Variants in MSANTD3 observed in about 807,000 individuals in gnomAD.
The protein encoded by MSANTD3 is Myb/SANT DNA binding domain containing 3.
A neutral mutation model predicts 27.7 loss-of-function variants in MSANTD3; 11 were observed. The ratio of observed to expected loss-of-function variants is 0.40; its 90% confidence interval spans 0.25 to 0.66. The LOEUF (loss-of-function observed/expected upper bound fraction) is 0.66. Ranked by LOEUF, MSANTD3 falls within the 30% of genes least tolerant of loss-of-function variation. The pLI is 0.41. For synonymous variants in MSANTD3, 131 were observed against 127.2 expected (o/e 1.03, Z -0.20); for missense variants, 250 against 336.5 (o/e 0.74, Z 2.01).
chr9:100,447,357 A>C (rs374091855), intron 2 of MSANTD3, among the ~76,000 whole-genome samples: 12 of 144,814 alleles, frequency 8.3e-5, no homozygotes, highest in East Asian at 7.9e-4. Flanking sequence ...GAGTCTTCTT[A>C]AGAGGCCTGG....
intron 1 of MSANTD3, among the ~76,000 whole-genome samples, chr9:100,435,253 C>T (rs1385509840): frequency 6.6e-6 from 1 of 152,160 alleles, no homozygotes; most frequent in Non-Finnish European, 1.5e-5. Flanking sequence ...GGGTTTTCTG[C>T]ATCCAGTGTC....
chr9:100,447,700 C>T (rs1390995012), intron 2 of MSANTD3, among the ~76,000 whole-genome samples: 4 of 152,248 alleles, frequency 2.6e-5, no homozygotes, highest in Non-Finnish European at 4.4e-5. Flanking sequence ...AGTCATGTGA[C>T]CTTGGATATT....
chr9:100,442,118 C>T lies in MSANTD3; in HGVS notation c.180C>T (p.Pro60=). 3 of 1,614,200 alleles carry T rather than the reference C, an allele frequency of 1.9e-6. No individual in the cohort carries two copies. Among genetic ancestry groups the T allele is most frequent in the Non-Finnish European group, 2.5e-6 (3 of 1,180,032 alleles). Reference sequence around the variant, plus strand: ...TGGCCCACGAATACAACTCTCAGCCCAGCGTGTCCCTGCGGGATTTCAAAC... The same window carrying T: ...TGGCCCACGAATACAACTCTCAGCCTAGCGTGTCCCTGCGGGATTTCAAAC... ...QALAHEYNSQ[P]SVSLRDFKQL... Residue 60 remains proline, a synonymous_variant, in exon 2 of 3, where the codon CCC becomes CCT. Transcript: ENST00000395067.
intron 1 of MSANTD3, among the ~76,000 whole-genome samples, chr9:100,434,490 A>G (rs1163277748): frequency 6.6e-6 from 1 of 152,064 alleles, no homozygotes; most frequent in East Asian, 1.9e-4. Context: ...AGATCACGCC[A>G]CTCTACTCCA....
At chr9:100,444,359 G>GGGC (rs1472768831) in intron 2 of MSANTD3, 2 of 152,166 alleles carry the variant, frequency 1.3e-5, no homozygotes, top group African/African-American at 2.4e-5. Flanking sequence ...CAGTTTATGG[G>GGGC]GGCTCTGTCA....
At chr9:100,428,453 G>A (rs1197267574) in intron 1 of MSANTD3, among the ~76,000 whole-genome samples, 1 of 152,142 alleles carries the variant, frequency 6.6e-6, no homozygotes, top group Non-Finnish European at 1.5e-5. Flanking sequence ...AGAGACATGG[G>A]ATGGACAAGG....
chr9:100,445,188 A>G (rs1449625094), intron 2 of MSANTD3: 1 of 1,609,998 alleles, frequency 6.2e-7, no homozygotes, highest in Non-Finnish European at 8.5e-7. Context: ...AAGAAAGAAA[A>G]AGAAGCCTGG....
At chr9:100,428,619 A>T (rs900278143) in intron 1 of MSANTD3, among the ~76,000 whole-genome samples, 17 of 151,754 alleles carry the variant, frequency 1.1e-4, no homozygotes, top group African/African-American at 4.1e-4. Flanking sequence ...GTGGGGAGGG[A>T]TGTTATAGGT....
chr9:100,445,523 T>TA (rs1836733740), intron 2 of MSANTD3, among the ~76,000 whole-genome samples: 1 of 152,228 alleles, frequency 6.6e-6, no homozygotes, highest in Non-Finnish European at 1.5e-5. Flanking sequence ...TATGTTGGAT[T>TA]AAAAAATATA....
intron 1 of MSANTD3, among the ~76,000 whole-genome samples, chr9:100,439,294 A>G (rs1471393591): frequency 1.3e-5 from 2 of 152,176 alleles, no homozygotes; most frequent in African/African-American, 4.8e-5. Flanking sequence ...TCCCAGGCAT[A>G]GTGCGTGAGT....
chr9:100,442,354 A>G lies in MSANTD3; in HGVS notation c.416A>G (p.Gln139Arg). Reference protein sequence around the residue: ...EPEYHPDASAQESFAVSNREL... With the variant: ...EPEYHPDASARESFAVSNREL... Reference sequence around the variant, plus strand: ...GAATACCACCCCGACGCCTCAGCCCAAGGTATCCGTTCCTGATGCCAGTGT... The same window carrying G: ...GAATACCACCCCGACGCCTCAGCCCGAGGTATCCGTTCCTGATGCCAGTGT... The change falls in exon 2 of 3, where the codon CAA (glutamine) becomes CGA (arginine). Residue 139 changes from glutamine to arginine, a missense_variant and splice_region_variant. By Grantham distance (43) the Gln-to-Arg change is conservative (BLOSUM62 1). This residue lies in a region of MSANTD3 where 235 missense variants were observed against 299.3 expected (regional missense o/e 0.79). Coordinates refer to ENST00000395067, the MANE Select transcript of MSANTD3 (RefSeq NM_080655.3). 6.2e-7 allele frequency: 1 copy of G among 1,608,838 alleles called. No individual in the cohort carries two copies. The highest frequency in any genetic ancestry group is 8.5e-7 in the Non-Finnish European group (1 of 1,178,160).
At chr9:100,427,447 G>C (rs1836270943) in intron 1 of MSANTD3, 54 bp downstream of exon 1, 1 of 150,010 alleles carries the variant, frequency 6.7e-6, no homozygotes, top group Non-Finnish European at 1.5e-5. Context: ...GGGGGTGGGG[G>C]GCGCGGGCCG....
chr9:100,438,284 T>C (rs1836523436), intron 1 of MSANTD3, among the ~76,000 whole-genome samples: 1 of 152,212 alleles, frequency 6.6e-6, no homozygotes, highest in Non-Finnish European at 1.5e-5. Flanking sequence ...TCATGTGCTG[T>C]TAATAGAAAT....
chr9:100,448,280 T>C (rs1836805560), intron 2 of MSANTD3: 2 of 983,252 alleles, frequency 2.0e-6, no homozygotes, highest in Non-Finnish European at 2.4e-6. Context: ...CTTTAAGGAC[T>C]CAGAGGAGTA....
Position 100,449,111 on chromosome 9 carries a change from G to A in MSANTD3, c.419-1446G>A, listed in dbSNP as rs555382950. 3.0e-6 allele frequency: 3 copies of A among 985,356 alleles called. No homozygotes were observed. In the African/African-American group the frequency reaches 5.2e-5, roughly 17 times the overall value. 61.0% of individuals were successfully genotyped at this position (985,356 alleles called of 1,614,324 possible). The stretch of plus-strand genomic sequence containing the variant: ...CATTGTTTTTCTCCAAGGAGAAGAT[G>A]CTCGTTATTGGAAATGTAAAGCTTC... On this transcript the variant is annotated intron_variant, in intron 2 of 2. Coordinates refer to ENST00000395067, the MANE Select transcript of MSANTD3 (RefSeq NM_080655.3).
At chr9:100,432,354 C>T (rs1721800905) in intron 1 of MSANTD3, among the ~76,000 whole-genome samples, 1 of 152,248 alleles carries the variant, frequency 6.6e-6, no homozygotes, top group East Asian at 1.9e-4. Flanking sequence ...AGAGTACTGT[C>T]CAATTACTCT....
At chr9:100,427,845 T>A (rs1836279785) in intron 1 of MSANTD3, among the ~76,000 whole-genome samples, 1 of 152,124 alleles carries the variant, frequency 6.6e-6, no homozygotes, top group Non-Finnish European at 1.5e-5. Context: ...ATCCCTCACT[T>A]GCAGGATGAA....
chr9:100,447,294 G>A (rs1416810696), intron 2 of MSANTD3, among the ~76,000 whole-genome samples: 2 of 152,090 alleles, frequency 1.3e-5, no homozygotes, highest in Non-Finnish European at 2.9e-5. Context: ...GTGTGTGAAA[G>A]TTAATTAACT....
chr9:100,448,768 G>A (rs1046218384), intron 2 of MSANTD3: 8 of 985,386 alleles, frequency 8.1e-6, no homozygotes, highest in Middle Eastern at 1.0e-3. Context: ...AGCTGTCTTT[G>A]AGGCCAGAGC....
Sources: gnomAD v4.1 joint callset for allele counts (sites outside exome capture counted in the v4.1 genomes callset) on GRCh38, gnomAD v4.1.1 for gene constraint, gnomAD v4.1.1 regional missense constraint, MANE v1.5 for transcripts, NCBI Gene and HGNC (gene_info 2026-07-23, HGNC 2026-07-21) for gene names.